Variants in DNAJB6 observed in about 807,000 individuals in gnomAD.
DNAJB6 encodes DnaJ heat shock protein family (Hsp40) member B6.
A neutral mutation model predicts 42.7 loss-of-function variants in DNAJB6; 16 were observed. That is an observed-to-expected ratio of 0.37 (90% CI 0.25 to 0.57). The LOEUF (loss-of-function observed/expected upper bound fraction) is 0.57, where lower values mean the gene tolerates loss of function less well. Ranked by LOEUF, DNAJB6 falls within the 20% of genes least tolerant of loss-of-function variation. The pLI is 0.74. For synonymous variants in DNAJB6, 170 were observed against 163.5 expected (o/e 1.04, Z -0.30); for missense variants, 347 against 416.8 (o/e 0.83, Z 1.46).
rs4716711 is a variant in DNAJB6, at chr7:157,384,605, G to T, written c.479-262G>T. On this transcript the variant is annotated intron_variant, in intron 6 of 9. Transcript: ENST00000262177. ...ATGTCAGAAAAGCTGCTTGGGTCCCGCGAAGCTCTGCATGAGGAGAGGGGG... is the reference window on the plus strand; with the variant it reads ...ATGTCAGAAAAGCTGCTTGGGTCCCTCGAAGCTCTGCATGAGGAGAGGGGG... Among the ~76,000 whole-genome samples the T allele has an allele frequency of 0.12, 18,594 of 152,188 alleles. 2,112 individuals are homozygous for T. Among genetic ancestry groups the T allele is most frequent in the African/African-American group, 0.3 (12,387 of 41,476 alleles).
chr7:157,369,659 C>T (rs369531144), intron 5 of DNAJB6, among the ~76,000 whole-genome samples: 1 of 145,584 alleles, frequency 6.9e-6, no homozygotes, highest in African/African-American at 2.6e-5. Flanking sequence ...TATTATTAAA[C>T]AGGCCCCTTC....
At chr7:157,396,300 C>T (rs1398517606) in intron 8 of DNAJB6, among the ~76,000 whole-genome samples, 1 of 152,196 alleles carries the variant, frequency 6.6e-6, no homozygotes, top group East Asian at 1.9e-4. Context: ...TTAAATCCCT[C>T]CAGCGCCTCA....
In DNAJB6 at chr7:157,341,213, C is replaced by T. The variant is rs191793115; in HGVS notation, c.-27+4069C>T. On this transcript the variant is annotated intron_variant, in intron 1 of 9. Transcript: ENST00000262177. ...CATCTCGGCTCACTGCAACCTCTGC[C>T]GCACGGGTTCAAGCGATTCTCCTGC... Among the ~76,000 whole-genome samples, 39 of 152,218 alleles carry T rather than the reference C, an allele frequency of 2.6e-4. No individual in the cohort carries two copies. The East Asian group carries it at 6.6e-3, about 26-fold the overall frequency.
intron 8 of DNAJB6, among the ~76,000 whole-genome samples, chr7:157,405,447 C>G (rs1324854208): frequency 6.6e-6 from 1 of 152,186 alleles, no homozygotes; most frequent in Non-Finnish European, 1.5e-5. Flanking sequence ...GCATCAGCAG[C>G]CCCAGCTCCT....
At chr7:157,338,910 T>C (rs777502964) in intron 1 of DNAJB6, among the ~76,000 whole-genome samples, 2 of 152,184 alleles carry the variant, frequency 1.3e-5, no homozygotes, top group Non-Finnish European at 2.9e-5. Context: ...GTGAGAAAGT[T>C]GGGAATTCCA....
chr7:157,345,044 A>T (rs1366174935), intron 1 of DNAJB6, among the ~76,000 whole-genome samples: 1 of 151,610 alleles, frequency 6.6e-6, no homozygotes, highest in Non-Finnish European at 1.5e-5. Flanking sequence ...CCCAGGCTAG[A>T]GTGCAATGGA....
At chr7:157,353,786 C>T (rs887032918) in intron 1 of DNAJB6, among the ~76,000 whole-genome samples, 5 of 152,058 alleles carry the variant, frequency 3.3e-5, no homozygotes, top group African/African-American at 1.2e-4. Flanking sequence ...CCTCAGCCTC[C>T]TGAGTAGCTG....
chr7:157,383,432 A>G lies in DNAJB6; in HGVS notation c.478+1055A>G, dbSNP rs113833277. Among the ~76,000 whole-genome samples, 576 of 152,278 alleles carry G rather than the reference A, an allele frequency of 3.8e-3. 5 individuals are homozygous for G. The highest frequency in any genetic ancestry group is 0.013 in the African/African-American group (550 of 41,546). ...TTTATTTTCTTTGAACATTGCGCTC[A>G]TGCCATCTAGGTAAGTAGTGAATTC... On this transcript the variant is annotated intron_variant, in intron 6 of 9. Coordinates refer to ENST00000262177, the MANE Select transcript of DNAJB6 (RefSeq NM_058246.4).
chr7:157,392,359 G>GGT (rs1554465684), intron 8 of DNAJB6, among the ~76,000 whole-genome samples: 3,270 of 137,868 alleles, frequency 0.024, 49 homozygotes, highest in East Asian at 0.055. Context: ...TTGAAAGTGG[G>GGT]TTTTTTTTTT....
intron 8 of DNAJB6, chr7:157,386,043 TTC>T: frequency 1.0e-6 from 1 of 988,352 alleles, no homozygotes; most frequent in South Asian, 4.7e-5. Flanking sequence ...AGGACGATTC[TTC>T]TACAGAAATA....
At chr7:157,401,885 C>T (rs1795534440) in intron 8 of DNAJB6, among the ~76,000 whole-genome samples, 1 of 152,216 alleles carries the variant, frequency 6.6e-6, no homozygotes, top group African/African-American at 2.4e-5. Context: ...CGGGCTGGCG[C>T]CTGCCTTCTC....
At chr7:157,374,901 A>AC (rs1249868297) in intron 5 of DNAJB6, among the ~76,000 whole-genome samples, 1 of 152,170 alleles carries the variant, frequency 6.6e-6, no homozygotes, top group Admixed American at 6.5e-5. Flanking sequence ...TGTTGGCATG[A>AC]CAGTCACCTG....
chr7:157,369,804 CT>C (rs1800057039), intron 5 of DNAJB6, among the ~76,000 whole-genome samples: 1 of 149,564 alleles, frequency 6.7e-6, no homozygotes, highest in Admixed American at 6.7e-5. Flanking sequence ...AAACGAGCCC[CT>C]TCTTAACATC....
chr7:157,367,261 A>T, intron 4 of DNAJB6, 112 bp from the exon 5 acceptor site: 3 of 722,518 alleles, frequency 4.2e-6, no homozygotes, highest in Non-Finnish European at 7.3e-6. Flanking sequence ...AGGTTTATGA[A>T]ATATTTTTGT....
intron 3 of DNAJB6, among the ~76,000 whole-genome samples, chr7:157,366,264 TATTTCTAATAACTTGTAAAA>T (rs1283764190): frequency 6.6e-6 from 1 of 152,236 alleles, no homozygotes; most frequent in Admixed American, 6.5e-5. Flanking sequence ...AATACTTAAA[TATTTCTAATAACTTGTAAAA>T]ATTCAACATA....
intron 8 of DNAJB6, among the ~76,000 whole-genome samples, chr7:157,399,201 C>T (rs1801732618): frequency 6.6e-6 from 1 of 152,206 alleles, no homozygotes; most frequent in South Asian, 2.1e-4. Flanking sequence ...AGTCAGGCTG[C>T]TTGACTGGAA....
chr7:157,350,231 G>C (rs752284667), intron 1 of DNAJB6, among the ~76,000 whole-genome samples: 2 of 152,170 alleles, frequency 1.3e-5, no homozygotes, highest in Non-Finnish European at 2.9e-5. Flanking sequence ...AAGACATTAC[G>C]ACATTGGAGC....
intron 6 of DNAJB6, among the ~76,000 whole-genome samples, chr7:157,383,260 C>G (rs960776686): frequency 6.6e-6 from 1 of 152,130 alleles, no homozygotes; most frequent in African/African-American, 2.4e-5. Context: ...CCCGTCTTGG[C>G]CTCCCAAAGT....
chr7:157,416,238 C>T lies in DNAJB6; in HGVS notation c.*140C>T, dbSNP rs567762107. ...CTCGCTCGGCAGGATTATGCGATCA[C>T]GGATCAGTCAGAGCAGGGTCAGGAG... On this transcript the variant is annotated 3_prime_UTR_variant, in exon 10 of 10. Coordinates refer to ENST00000262177, the MANE Select transcript of DNAJB6 (RefSeq NM_058246.4). 15 of 1,373,714 alleles carry T rather than the reference C, an allele frequency of 1.1e-5. No individual in the cohort carries two copies. Among genetic ancestry groups the T allele is most frequent in the Middle Eastern group, 5.1e-4 (2 of 3,894 alleles). The allele number at this position is 1,373,714 out of a possible 1,614,324, so 85.1% of individuals were successfully genotyped here. A position where few individuals can be genotyped will look rare whatever the true frequency, so the allele number is the denominator to read the frequency against.
Sources: gnomAD v4.1 joint callset for allele counts (sites outside exome capture counted in the v4.1 genomes callset) on GRCh38, gnomAD v4.1.1 for gene constraint, MANE v1.5 for transcripts, NCBI Gene and HGNC (gene_info 2026-07-23, HGNC 2026-07-21) for gene names.